Variants in PLPP1 observed in about 807,000 individuals in gnomAD.
PLPP1 encodes the protein lipid phosphate phosphohydrolase 1a.
Under a neutral mutation model 31.2 loss-of-function variants are expected in PLPP1, and 24 were observed. The observed-to-expected ratio is 0.77, with a 90% CI of 0.56 to 1.08. The LOEUF (loss-of-function observed/expected upper bound fraction) is 1.08. Among genes scored for constraint, PLPP1 ranks in the 50% least tolerant of loss-of-function variants. The pLI is 0.00. For missense variants in PLPP1, 319 were observed against 342.7 expected (o/e 0.93, Z 0.55); for synonymous variants, 146 against 126.3 (o/e 1.16, Z -1.05).
chr5:55,512,478 AAAAAAG>A (rs1753439425), intron 1 of PLPP1, among the ~76,000 whole-genome samples: 2 of 123,664 alleles, frequency 1.6e-5, no homozygotes, highest in East Asian at 2.3e-4. Context: ...CAAAAAAAAA[AAAAAAG>A]AAAGAAAGAA....
intron 1 of PLPP1, among the ~76,000 whole-genome samples, chr5:55,511,090 T>C (rs577451134): frequency 7.2e-5 from 11 of 152,342 alleles, no homozygotes; most frequent in African/African-American, 2.6e-4. Flanking sequence ...AAATAAAATG[T>C]GTCTATGTAT....
chr5:55,512,742 A>ACC (rs931025538), intron 1 of PLPP1, among the ~76,000 whole-genome samples: 1 of 151,908 alleles, frequency 6.6e-6, no homozygotes, highest in Non-Finnish European at 1.5e-5. Context: ...ACACACACAC[A>ACC]CCCCTTTGGG....
intron 3 of PLPP1, among the ~76,000 whole-genome samples, chr5:55,464,944 C>A (rs1484665496): frequency 6.6e-6 from 1 of 151,922 alleles, no homozygotes; most frequent in Non-Finnish European, 1.5e-5. Flanking sequence ...GTGAATTATA[C>A]CTCAAAAAAG....
rs539714835 is a variant in PLPP1 at position 55,483,596 on chromosome 5, C to G, written c.59-8146G>C. Among the ~76,000 whole-genome samples, 10 of 146,062 alleles carry G rather than the reference C, an allele frequency of 6.8e-5. No individual in the cohort carries two copies. In the South Asian group the frequency reaches 1.4e-3, roughly 21 times the overall value. ...CTGAGGCACAAGAATTGCTTAAACC[C>G]AGGAGGCAGAGGTTGCAGTGAGCCA... On this transcript the variant is annotated intron_variant, in intron 1 of 5. Transcript: ENST00000307259.
intron 2 of PLPP1, among the ~76,000 whole-genome samples, chr5:55,474,518 AAC>A (rs563112927): frequency 2.5e-4 from 38 of 152,356 alleles, no homozygotes; most frequent in African/African-American, 8.4e-4. Context: ...ACCGGAAAAC[AAC>A]AGTTACTATT....
At chr5:55,436,670 C>T (rs1489008361) in intron 4 of PLPP1, among the ~76,000 whole-genome samples, 3 of 152,140 alleles carry the variant, frequency 2.0e-5, no homozygotes, top group African/African-American at 4.8e-5. Context: ...TCAAAACAAA[C>T]GGAAGACTCT....
chr5:55,525,759 G>A (rs1368760572), intron 1 of PLPP1, among the ~76,000 whole-genome samples: 1 of 152,096 alleles, frequency 6.6e-6, no homozygotes, highest in Non-Finnish European at 1.5e-5. Flanking sequence ...ACAGTGGGGA[G>A]GAAGGAATGA....
At chr5:55,453,630 T>C (rs1751940840) in intron 3 of PLPP1, among the ~76,000 whole-genome samples, 1 of 152,290 alleles carries the variant, frequency 6.6e-6, no homozygotes, top group African/African-American at 2.4e-5. Context: ...ATGTATCCTG[T>C]TATAAATTTT....
intron 1 of PLPP1, among the ~76,000 whole-genome samples, chr5:55,499,266 T>C (rs1361602801): frequency 6.6e-6 from 1 of 152,238 alleles, no homozygotes; most frequent in Non-Finnish European, 1.5e-5. Flanking sequence ...CATGTTGAAC[T>C]TCCTATGTCC....
intron 3 of PLPP1, among the ~76,000 whole-genome samples, chr5:55,462,586 A>T (rs559402215): frequency 6.6e-6 from 1 of 152,350 alleles, no homozygotes; most frequent in East Asian, 1.9e-4. Flanking sequence ...AAGATTTCTT[A>T]GGACACAGAA....
rs1047091 is a variant in PLPP1, at chr5:55,534,680, G to A, written c.-51C>T. 6 of 1,501,520 alleles carry A rather than the reference G, an allele frequency of 4.0e-6. No homozygotes were observed. The Admixed American group carries it at 1.3e-4, about 32-fold the overall frequency. 93.0% of individuals were successfully genotyped at this position (1,501,520 alleles called of 1,614,324 possible). ...GGGCGATGGACTGAGCTGCGGGACG[G>A]CGGCCGAGGCCCTTGATTCTCGAGC... On this transcript the variant is annotated 5_prime_UTR_variant, in exon 1 of 6. Transcript: ENST00000307259.
chr5:55,425,386 T>C (rs781446682), intron 5 of PLPP1, 52 bp from the exon 6 acceptor site: 3 of 1,484,102 alleles, frequency 2.0e-6, no homozygotes, highest in Non-Finnish European at 2.8e-6. Context: ...AAAAACTACA[T>C]ACAAAGTTGT....
At position 55,534,575 on chromosome 5, in the gene PLPP1, G is replaced by A. The variant is rs761677294; in HGVS notation, c.55C>T (p.Leu19=). ...YVALDVLCVL[L]AGLPFAILTS... is the part of the protein sequence containing the mutation. ...GGACCCGGCGGCGCGTACGTACCCA[G>A]CAACACGCAGAGCACATCGAGGGCC... Residue 19 remains leucine (L), a synonymous_variant, in exon 1 of 6, where the codon CTG becomes TTG. Transcript: ENST00000307259. 2 of 1,548,826 alleles carry A rather than the reference G, an allele frequency of 1.3e-6. No individual in the cohort carries two copies. The highest frequency in any genetic ancestry group is 1.2e-5 in the South Asian group (1 of 83,178).
intron 1 of PLPP1, among the ~76,000 whole-genome samples, chr5:55,486,530 G>T (rs1752778223): frequency 6.6e-6 from 1 of 152,008 alleles, no homozygotes; most frequent in Non-Finnish European, 1.5e-5. Context: ...AGGTTGCAGT[G>T]AGCTGAGATC....
At chr5:55,446,076 G>A (rs939956604) in intron 3 of PLPP1, among the ~76,000 whole-genome samples, 2 of 152,090 alleles carry the variant, frequency 1.3e-5, no homozygotes, top group African/African-American at 2.4e-5. Context: ...ATTGTGTCTA[G>A]TACTAGGATT....
At chr5:55,531,741 G>A (rs1186144578) in intron 1 of PLPP1, among the ~76,000 whole-genome samples, 6 of 152,118 alleles carry the variant, frequency 3.9e-5, no homozygotes, top group African/African-American at 9.7e-5. Flanking sequence ...CCAGAAAGGC[G>A]CATTTGCTAT....
intron 1 of PLPP1, among the ~76,000 whole-genome samples, chr5:55,498,209 C>T (rs1753043616): frequency 6.6e-6 from 1 of 151,626 alleles, no homozygotes; most frequent in Non-Finnish European, 1.5e-5. Context: ...AATCTGTGTG[C>T]TAATGGAGGG....
chr5:55,445,928 T>C (rs1174987348), intron 3 of PLPP1, among the ~76,000 whole-genome samples: 1 of 152,212 alleles, frequency 6.6e-6, no homozygotes, highest in Non-Finnish European at 1.5e-5. Context: ...AGGCTATCAT[T>C]GCGCTATCTT....
At chr5:55,471,154 A>C (rs1436955994) in intron 2 of PLPP1, among the ~76,000 whole-genome samples, 1 of 150,910 alleles carries the variant, frequency 6.6e-6, no homozygotes, top group Non-Finnish European at 1.5e-5. Context: ...CATTTCCTTT[A>C]TTCTACTGAT....
Sources: gnomAD v4.1 joint callset for allele counts (sites outside exome capture counted in the v4.1 genomes callset) on GRCh38, gnomAD v4.1.1 for gene constraint, MANE v1.5 for transcripts, NCBI Gene and HGNC (gene_info 2026-07-23, HGNC 2026-07-21) for gene names.